JAM3: variants seen among roughly 807,000 people sequenced by gnomAD.
JAM3 encodes the protein junctional adhesion molecule C.
In JAM3, 31 loss-of-function variants were observed where a neutral mutation model predicts 39.4. That is an observed-to-expected ratio of 0.79 (90% confidence interval 0.59 to 1.06). The LOEUF is 1.06. JAM3 is among the 50% of genes least tolerant of loss of function. JAM3 has a pLI of 0.00. For missense variants in JAM3, 455 were observed against 391.4 expected, an observed-to-expected ratio of 1.16 and a Z score of -1.37; for synonymous variants, 182 against 148.7, an observed-to-expected ratio of 1.22 and a Z score of -1.63.
intron 1 of JAM3, among the ~76,000 whole-genome samples, chr11:134,134,921 C>T (rs1942835675): frequency 6.6e-6 from 1 of 152,062 alleles, no homozygotes; most frequent in South Asian, 2.1e-4. Context: ...TATATATATG[C>T]TTTGTACATA....
chr11:134,113,762 C>T (rs562609087), intron 1 of JAM3, among the ~76,000 whole-genome samples: 1,604 of 152,306 alleles, frequency 0.011, 24 homozygotes, highest in African/African-American at 0.037. Flanking sequence ...CCTGAGGAAT[C>T]GCCACACTGT....
intron 1 of JAM3, among the ~76,000 whole-genome samples, chr11:134,106,454 A>G (rs1698487944): frequency 6.6e-6 from 1 of 152,340 alleles, no homozygotes; most frequent in South Asian, 2.1e-4. Context: ...CTTCATGTCT[A>G]AAACACCAAA....
intron 1 of JAM3, among the ~76,000 whole-genome samples, chr11:134,100,391 C>G (rs567355527): frequency 1.7e-4 from 26 of 152,336 alleles, no homozygotes; most frequent in Admixed American, 1.3e-4. Context: ...GAGGGCTTTT[C>G]AAACTCGCTT....
chr11:134,144,732 C>G (rs1220901331), intron 4 of JAM3, 60 bp from the exon 5 acceptor site: 19 of 1,451,480 alleles, frequency 1.3e-5, no homozygotes, highest in Admixed American at 6.7e-5. Flanking sequence ...TTCTTCTGGG[C>G]TTTAATAAGA....
chr11:134,129,586 A>G (rs1942725509), intron 1 of JAM3, among the ~76,000 whole-genome samples: 1 of 152,242 alleles, frequency 6.6e-6, no homozygotes, highest in Non-Finnish European at 1.5e-5. Flanking sequence ...GAATAATGAT[A>G]ATAAATGGTC....
chr11:134,127,685 G>T (rs1942677122), intron 1 of JAM3, among the ~76,000 whole-genome samples: 1 of 152,194 alleles, frequency 6.6e-6, no homozygotes, highest in African/African-American at 2.4e-5. Flanking sequence ...GAGCGACAGA[G>T]TGAGACTCGA....
At chr11:134,124,857 T>A (rs1942613319) in intron 1 of JAM3, among the ~76,000 whole-genome samples, 1 of 152,214 alleles carries the variant, frequency 6.6e-6, no homozygotes, top group Non-Finnish European at 1.5e-5. Context: ...GCCCTCACAC[T>A]CAGAATCGCC....
chr11:134,151,079 A>G lies in JAM3; in HGVS notation c.*1898A>G, dbSNP rs904253168. On this transcript the variant is annotated 3_prime_UTR_variant, in exon 9 of 9. Transcript: ENST00000299106. ...GCTGGACTCAGGACTGAAGTGCTGT[A>G]AAGCAAGGAGCTGCTGAGAAGGAGC... 6 of 152,276 alleles carry G rather than the reference A, an allele frequency of 3.9e-5. No homozygotes were observed. Among genetic ancestry groups the G allele is most frequent in the Admixed American group, 3.3e-4 (5 of 15,286 alleles). 9.4% of individuals were successfully genotyped at this position (152,276 alleles called of 1,614,324 possible). A position where few individuals can be genotyped will look rare whatever the true frequency, so the allele number is the denominator to read the frequency against.
chr11:134,079,281 T>C (rs1941625089), intron 1 of JAM3, among the ~76,000 whole-genome samples: 1 of 152,220 alleles, frequency 6.6e-6, no homozygotes, highest in African/African-American at 2.4e-5. Context: ...GAATTATAGC[T>C]ATTCCACACT....
rs1054673387 is a variant in JAM3, at chr11:134,149,203, C to T, written c.*22C>T. The T allele has an allele frequency of 1.6e-5, 26 of 1,613,770 alleles. No homozygotes were observed. Among genetic ancestry groups the T allele is most frequent in the African/African-American group, 5.3e-5 (4 of 74,926 alleles). On this transcript the variant is annotated 3_prime_UTR_variant, in exon 9 of 9. Coordinates refer to ENST00000299106, the MANE Select transcript of JAM3 (RefSeq NM_032801.5). ...CTGAGACCCGCGGTGTGGCTGAGAG[C>T]GCACAGAGCGCACGTGCACATACCT...
chr11:134,149,522 AAGCC>A lies in JAM3; in HGVS notation c.*345_*348del. The stretch of plus-strand genomic sequence containing the variant: ...GTAAACGCCCGTGCTGGGCCCTGTG[AAGCC>A]AGCATGTTCACCACTGGTCGTTCAG... On this transcript the variant is annotated 3_prime_UTR_variant, in exon 9 of 9. Coordinates refer to ENST00000299106, the MANE Select transcript of JAM3 (RefSeq NM_032801.5). 2.0e-6 allele frequency: 1 copy of A among 507,088 alleles called. No individual in the cohort carries two copies. Among genetic ancestry groups the A allele is most frequent in the South Asian group, 1.6e-5 (1 of 63,064 alleles). 31.4% of individuals were successfully genotyped at this position (507,088 alleles called of 1,614,324 possible).
At chr11:134,145,859 C>T (rs1426594358) in intron 5 of JAM3, 87 bp from the exon 6 acceptor site, 4 of 859,926 alleles carry the variant, frequency 4.7e-6, no homozygotes, top group Admixed American at 1.7e-5. Context: ...GAGCAGGTGT[C>T]GACCTAGTTC....
intron 1 of JAM3, among the ~76,000 whole-genome samples, chr11:134,087,937 C>G (rs930083916): frequency 6.6e-6 from 1 of 152,106 alleles, no homozygotes; most frequent in Non-Finnish European, 1.5e-5. Flanking sequence ...AGTAACATCT[C>G]TGGCCTCTAA....
At chr11:134,141,568 G>A (rs1942973000) in intron 3 of JAM3, among the ~76,000 whole-genome samples, 1 of 152,118 alleles carries the variant, frequency 6.6e-6, no homozygotes, top group African/African-American at 2.4e-5. Flanking sequence ...AGGTGCCGTG[G>A]CTGCATCTAT....
At chr11:134,147,815 C>T (rs1943106709) in intron 6 of JAM3, 1 of 152,476 alleles carries the variant, frequency 6.6e-6, no homozygotes, top group Non-Finnish European at 1.5e-5. Context: ...GTACATTCAT[C>T]TTTGAGAACC....
chr11:134,084,543 G>C (rs1941716926), intron 1 of JAM3, among the ~76,000 whole-genome samples: 1 of 152,212 alleles, frequency 6.6e-6, no homozygotes, highest in South Asian at 2.1e-4. Flanking sequence ...GTGCTTAGCA[G>C]AGTACCTGTC....
At chr11:134,107,181 C>T (rs11223691) in intron 1 of JAM3, among the ~76,000 whole-genome samples, 27,662 of 151,964 alleles carry the variant, frequency 0.18, 3,062 homozygotes, top group African/African-American at 0.32. Context: ...TGTCCTTTGT[C>T]GGGATATGGA....
At chr11:134,142,599 T>C (rs1296408436) in intron 3 of JAM3, among the ~76,000 whole-genome samples, 3 of 152,202 alleles carry the variant, frequency 2.0e-5, no homozygotes, top group Non-Finnish European at 1.5e-5. Flanking sequence ...GAAAGTGTTA[T>C]TATGTCTTAT....
chr11:134,095,974 T>G (rs1941974994), intron 1 of JAM3, among the ~76,000 whole-genome samples: 1 of 151,988 alleles, frequency 6.6e-6, no homozygotes, highest in Non-Finnish European at 1.5e-5. Flanking sequence ...TGCCATGCAT[T>G]TTATTTATTT....
Sources: gnomAD v4.1 joint callset for allele counts (sites outside exome capture counted in the v4.1 genomes callset) on GRCh38, gnomAD v4.1.1 for gene constraint, MANE v1.5 for transcripts, NCBI Gene and HGNC (gene_info 2026-07-23, HGNC 2026-07-21) for gene names.